The following CCSER1 variants were observed in gnomAD, a reference collection of about 807,000 sequenced individuals.
The protein encoded by CCSER1 is coiled-coil serine rich protein 1, also known as serine-rich coiled-coil domain-containing protein 1.
In CCSER1, 41 loss-of-function variants were observed where a neutral mutation model predicts 82.0. That is an observed-to-expected ratio of 0.50 (90% CI 0.39 to 0.65). The LOEUF (loss-of-function observed/expected upper bound fraction) is 0.65. Ranked by LOEUF, CCSER1 falls within the 30% of genes least tolerant of loss-of-function variation. The pLI is 0.00. For missense variants in CCSER1, 1,119 were observed against 1,064.2 expected, an observed-to-expected ratio of 1.05 and a Z score of -0.72; for synonymous variants, 414 against 383.9, an observed-to-expected ratio of 1.08 and a Z score of -0.92.
chr4:90,494,707 A>G (rs1369833804), intron 5 of CCSER1, among the ~76,000 whole-genome samples: 1 of 152,192 alleles, frequency 6.6e-6, no homozygotes. Flanking sequence ...CAGTAATTTT[A>G]TTGAAGACTA....
intron 1 of CCSER1, among the ~76,000 whole-genome samples, chr4:90,175,176 A>G (rs1372838380): frequency 1.3e-5 from 2 of 152,022 alleles, no homozygotes; most frequent in Non-Finnish European, 2.9e-5. Context: ...TAAATGATAT[A>G]AGGAAATGAG....
intron 8 of CCSER1, among the ~76,000 whole-genome samples, chr4:90,916,900 G>C (rs1169208180): frequency 8.7e-6 from 1 of 115,358 alleles, no homozygotes; most frequent in Non-Finnish European, 1.7e-5. Context: ...ACAGTTAAGA[G>C]ACACATGAAA....
chr4:90,884,500 A>G (rs1226428405), intron 8 of CCSER1, among the ~76,000 whole-genome samples: 1 of 152,166 alleles, frequency 6.6e-6, no homozygotes, highest in African/African-American at 2.4e-5. Flanking sequence ...TAAGCATCAA[A>G]TTATCTATTA....
chr4:90,956,229 A>G (rs1211798606), intron 9 of CCSER1, among the ~76,000 whole-genome samples: 1 of 152,196 alleles, frequency 6.6e-6, no homozygotes, highest in African/African-American at 2.4e-5. Context: ...TAAAATAAAA[A>G]CCTACAGAAG....
chr4:90,691,772 G>A (rs1736021471), intron 6 of CCSER1, among the ~76,000 whole-genome samples: 1 of 151,438 alleles, frequency 6.6e-6, no homozygotes, highest in African/African-American at 2.4e-5. Flanking sequence ...ATGTCACAGG[G>A]GTTTGGCATA....
intron 10 of CCSER1, among the ~76,000 whole-genome samples, chr4:91,247,318 C>A (rs1473709986): frequency 1.3e-5 from 2 of 149,172 alleles, no homozygotes; most frequent in Non-Finnish European, 1.5e-5. Context: ...AAAAAAAAAG[C>A]CTGGAATTAA....
chr4:90,839,387 A>C (rs1762276525), intron 8 of CCSER1, among the ~76,000 whole-genome samples: 1 of 152,254 alleles, frequency 6.6e-6, no homozygotes, highest in South Asian at 2.1e-4. Context: ...TTCAGATTCA[A>C]CTACAGGTTA....
intron 1 of CCSER1, among the ~76,000 whole-genome samples, chr4:90,273,039 A>G (rs866684122): frequency 1.3e-5 from 2 of 151,994 alleles, no homozygotes; most frequent in African/African-American, 4.8e-5. Context: ...AAACAGAACT[A>G]TGATATCCTG....
At chr4:90,632,968 A>T (rs1320927854) in intron 6 of CCSER1, among the ~76,000 whole-genome samples, 1 of 152,114 alleles carries the variant, frequency 6.6e-6, no homozygotes, top group East Asian at 1.9e-4. Context: ...ATATCTTTAA[A>T]TGTTTCCTAA....
At chr4:91,172,196 T>C (rs971441064) in intron 10 of CCSER1, among the ~76,000 whole-genome samples, 2 of 152,200 alleles carry the variant, frequency 1.3e-5, no homozygotes, top group African/African-American at 4.8e-5. Context: ...ATCAGAACTC[T>C]AGATTCTATC....
intron 10 of CCSER1, among the ~76,000 whole-genome samples, chr4:91,219,548 C>T (rs1409405381): frequency 6.6e-6 from 1 of 152,032 alleles, no homozygotes; most frequent in Non-Finnish European, 1.5e-5. Flanking sequence ...AGTGATCTGA[C>T]CACCTTGGCC....
chr4:90,297,825 T>G (rs1732277074), intron 1 of CCSER1, among the ~76,000 whole-genome samples: 1 of 152,126 alleles, frequency 6.6e-6, no homozygotes, highest in African/African-American at 2.4e-5. Flanking sequence ...GAACCAGCCT[T>G]GCATCCCAGG....
At position 90,531,202 on chromosome 4, in the gene CCSER1, A is replaced by G. The variant is rs180706232; in HGVS notation, c.1724+62848A>G. 3.0e-4 allele frequency among the ~76,000 whole-genome samples: 45 copies of G among 152,184 alleles called. No individual in the cohort carries two copies. In the East Asian group the frequency reaches 8.1e-3, roughly 27 times the overall value. ...CCCAAGGAGCCACAGTAGAAAATGA[A>G]AAACATAGATCTGTAAAGGAAATGG... On this transcript the variant is annotated intron_variant, in intron 5 of 10. Transcript: ENST00000509176.
chr4:90,924,054 T>C (rs1286819685), intron 9 of CCSER1, among the ~76,000 whole-genome samples: 1 of 152,188 alleles, frequency 6.6e-6, no homozygotes, highest in Non-Finnish European at 1.5e-5. Flanking sequence ...ATATAAATGC[T>C]CATTTTTTTC....
At chr4:90,519,727 C>CT (rs769093744) in intron 5 of CCSER1, among the ~76,000 whole-genome samples, 1 of 151,918 alleles carries the variant, frequency 6.6e-6, no homozygotes, top group Non-Finnish European at 1.5e-5. Flanking sequence ...ATTGATGGCA[C>CT]TTTTATTAAA....
At chr4:90,943,359 T>C (rs1207207547) in intron 9 of CCSER1, among the ~76,000 whole-genome samples, 2 of 152,196 alleles carry the variant, frequency 1.3e-5, no homozygotes, top group African/African-American at 4.8e-5. Flanking sequence ...CGTTATTTTG[T>C]GAGTTATCCA....
chr4:91,407,347 G>A (rs1454928549), intron 10 of CCSER1, among the ~76,000 whole-genome samples: 4 of 152,160 alleles, frequency 2.6e-5, no homozygotes, highest in Non-Finnish European at 1.5e-5. Flanking sequence ...CATGCAATCT[G>A]TGGAGAGTGA....
At chr4:91,389,922 T>G (rs908368375) in intron 10 of CCSER1, among the ~76,000 whole-genome samples, 2 of 152,110 alleles carry the variant, frequency 1.3e-5, no homozygotes, top group Admixed American at 1.3e-4. Flanking sequence ...TGTATATTAT[T>G]TCCTGTGCAT....
At chr4:90,245,521 G>A (rs1185572415) in intron 1 of CCSER1, among the ~76,000 whole-genome samples, 1 of 152,116 alleles carries the variant, frequency 6.6e-6, no homozygotes, top group African/African-American at 2.4e-5. Context: ...ACAGCCCATT[G>A]TTAGTGTAGA....
Sources: gnomAD v4.1 joint callset for allele counts (sites outside exome capture counted in the v4.1 genomes callset) on GRCh38, gnomAD v4.1.1 for gene constraint, MANE v1.5 for transcripts, NCBI Gene and HGNC (gene_info 2026-07-23, HGNC 2026-07-21) for gene names.